Variants in HEATR5B observed in about 807,000 individuals in gnomAD.
HEATR5B encodes HEAT repeat-containing protein 5B.
In HEATR5B, 156 loss-of-function variants were observed where a neutral mutation model predicts 224.1. The observed-to-expected ratio is 0.70, with a 90% CI of 0.61 to 0.80. The LOEUF is 0.80. Ranked by LOEUF, HEATR5B falls within the 30% of genes least tolerant of loss-of-function variation. HEATR5B has a pLI of 0.00. For missense variants in HEATR5B, 2,323 were observed against 2,535.5 expected, an observed-to-expected ratio of 0.92 and a Z score of 1.80; for synonymous variants, 1,027 against 893.0, an observed-to-expected ratio of 1.15 and a Z score of -2.68.
chr2:37,007,934 T>C lies in HEATR5B; in HGVS notation c.4523-630A>G, dbSNP rs148971769. Among the ~76,000 whole-genome samples, 186 of 152,352 alleles carry C rather than the reference T, an allele frequency of 1.2e-3. 1 individual carries two copies. Among genetic ancestry groups the C allele is most frequent in the African/African-American group, 4.1e-3 (171 of 41,590 alleles). ...CTAAAACCCTATCATCTTCTCTTTC[T>C]ATCACAACCAGGGAACTCTGTTTCT... On this transcript the variant is annotated intron_variant, in intron 28 of 35. Coordinates refer to ENST00000233099, the MANE Select transcript of HEATR5B (RefSeq NM_019024.3).
At chr2:37,069,511 T>C (rs1169487712) in intron 7 of HEATR5B, among the ~76,000 whole-genome samples, 1 of 152,210 alleles carries the variant, frequency 6.6e-6, no homozygotes, top group Non-Finnish European at 1.5e-5. Context: ...ATTACACTGG[T>C]GATTAAACAC....
chr2:37,008,371 T>C (rs1213449871), intron 28 of HEATR5B: 5 of 553,042 alleles, frequency 9.0e-6, no homozygotes, highest in East Asian at 6.3e-5. Context: ...CCCTAGCTCA[T>C]ACAGCTATTA....
intron 15 of HEATR5B, among the ~76,000 whole-genome samples, 162 bp from the exon 16 acceptor site, chr2:37,056,777 A>G (rs2045150378): frequency 6.6e-6 from 1 of 152,252 alleles, no homozygotes; most frequent in Admixed American, 6.5e-5. Context: ...TAATTTGGTC[A>G]TTAAAAAATC....
intron 16 of HEATR5B, 54 bp downstream of exon 16, chr2:37,056,386 T>G (rs1010435910): frequency 3.9e-6 from 5 of 1,268,792 alleles, no homozygotes; most frequent in Non-Finnish European, 5.4e-6. Context: ...AATCTACTTT[T>G]CGTTTAACAT....
chr2:37,069,872 G>C (rs924450245), intron 7 of HEATR5B, among the ~76,000 whole-genome samples: 2 of 150,214 alleles, frequency 1.3e-5, no homozygotes, highest in African/African-American at 2.4e-5. Context: ...AGTTTTCCAC[G>C]AAGTTTCACA....
rs1360675902 is a variant in HEATR5B, at chr2:37,022,836, CA to C, written c.3854-2001del. Among the ~76,000 whole-genome samples, 167 of 152,186 alleles carry C rather than the reference CA, an allele frequency of 1.1e-3. 2 individuals carry two copies. The highest frequency in any genetic ancestry group is 3.7e-3 in the African/African-American group (152 of 41,516). On this transcript the variant is annotated intron_variant, in intron 24 of 35. Transcript: ENST00000233099. ...CAAGTAATTTAACTACATCCCAGAA[CA>C]AAGTCCAAAATTATTTTGGAATACA...
chr2:37,034,440 C>T (rs1000791974), intron 21 of HEATR5B, among the ~76,000 whole-genome samples: 2 of 142,928 alleles, frequency 1.4e-5, no homozygotes, highest in African/African-American at 2.5e-5. Flanking sequence ...GGTGAAACCC[C>T]GTCTCTACTA....
chr2:36,990,473 C>T (rs958258893), intron 34 of HEATR5B, among the ~76,000 whole-genome samples, 175 bp downstream of exon 34: 3 of 152,184 alleles, frequency 2.0e-5, no homozygotes, highest in Admixed American at 6.5e-5. Flanking sequence ...TGTGAATAAA[C>T]ATACACATGT....
At chr2:37,032,370 ATCC>A (rs1441142037) in intron 22 of HEATR5B, among the ~76,000 whole-genome samples, 1 of 152,132 alleles carries the variant, frequency 6.6e-6, no homozygotes, top group African/African-American at 2.4e-5. Context: ...GGCTCAAGTG[ATCC>A]TCCCACCTCA....
At chr2:36,982,334 C>A (rs1665638401) in intron 35 of HEATR5B, among the ~76,000 whole-genome samples, 1 of 143,474 alleles carries the variant, frequency 7.0e-6, no homozygotes, top group South Asian at 2.5e-4. Context: ...AAAACAAGAA[C>A]CTATGTCCGA....
At chr2:37,012,112 C>T (rs140551957) in intron 27 of HEATR5B, among the ~76,000 whole-genome samples, 26 of 152,138 alleles carry the variant, frequency 1.7e-4, no homozygotes, top group African/African-American at 5.8e-4. Context: ...AAAATTAAAA[C>T]TACACATAAT....
intron 18 of HEATR5B, among the ~76,000 whole-genome samples, chr2:37,044,485 T>A (rs1170292097): frequency 6.6e-6 from 1 of 152,248 alleles, no homozygotes; most frequent in African/African-American, 2.4e-5. Context: ...CATTTATGAA[T>A]ACATCACTAT....
At chr2:37,029,406 G>A (rs1280477905) in intron 22 of HEATR5B, among the ~76,000 whole-genome samples, 3 of 152,242 alleles carry the variant, frequency 2.0e-5, no homozygotes, top group Non-Finnish European at 2.9e-5. Context: ...GCTCACGCCT[G>A]TAATCCCAGC....
chr2:36,996,607 T>G (rs1666731702), intron 33 of HEATR5B, among the ~76,000 whole-genome samples: 1 of 151,860 alleles, frequency 6.6e-6, no homozygotes, highest in African/African-American at 2.4e-5. Context: ...ATATATTTTT[T>G]TGAGACAGAG....
Position 36,981,247 on chromosome 2 carries a change from ATAAGT to A in HEATR5B, c.*238_*242del. ...CTATGGCTCAGTGTTTGAAAAATAAATAAGTTAACAAAAGAGAAACATTATTAGGA... is the reference window on the plus strand; with the variant it reads ...CTATGGCTCAGTGTTTGAAAAATAAATAACAAAAGAGAAACATTATTAGGA... On this transcript the variant is annotated 3_prime_UTR_variant, in exon 36 of 36. Coordinates refer to ENST00000233099, the MANE Select transcript of HEATR5B (RefSeq NM_019024.3). 1 of 376,350 alleles carries A rather than the reference ATAAGT, an allele frequency of 2.7e-6. No individual in the cohort carries two copies. Among genetic ancestry groups the A allele is most frequent in the South Asian group, 7.1e-5 (1 of 14,144 alleles). The allele number at this position is 376,350 out of a possible 1,614,324, so 23.3% of individuals were successfully genotyped here. A position where few individuals can be genotyped will look rare whatever the true frequency, so the allele number is the denominator to read the frequency against.
At chr2:37,018,195 TA>T (rs34971106) in intron 26 of HEATR5B, among the ~76,000 whole-genome samples, 15,685 of 150,770 alleles carry the variant, frequency 0.1, 1,219 homozygotes, top group African/African-American at 0.21. Context: ...AAACTTCTTA[TA>T]AAAAAAAATG....
chr2:37,038,041 G>GA lies in HEATR5B; in HGVS notation c.3047-18dup. On this transcript the variant is annotated splice_polypyrimidine_tract_variant and intron_variant, in intron 20 of 35. Transcript: ENST00000233099. ...CTCCATTCCCTGGTGCAAAATGAAA[G>GA]AAAATATAAAATATAATTATTTTAT... The GA allele has an allele frequency of 6.9e-7, 1 of 1,443,788 alleles. No homozygotes were observed. The highest frequency in any genetic ancestry group is 9.2e-7 in the Non-Finnish European group (1 of 1,084,828). 89.4% of individuals were successfully genotyped at this position (1,443,788 alleles called of 1,614,324 possible).
At chr2:37,081,071 A>G (rs1173349398) in intron 2 of HEATR5B, among the ~76,000 whole-genome samples, 2 of 152,246 alleles carry the variant, frequency 1.3e-5, no homozygotes, top group African/African-American at 4.8e-5. Flanking sequence ...GATGGATCAA[A>G]TAAGACAGAA....
intron 23 of HEATR5B, 34 bp from the exon 24 acceptor site, chr2:37,028,208 C>T (rs752680776): frequency 2.1e-6 from 3 of 1,408,856 alleles, no homozygotes; most frequent in Non-Finnish European, 2.9e-6. Context: ...GTAACAATCT[C>T]ACATAAGCAA....
Sources: allele counts gnomAD v4.1 joint callset (sites outside exome capture counted in the v4.1 genomes callset), GRCh38; gene constraint gnomAD v4.1.1; transcripts MANE v1.5; gene names NCBI Gene and HGNC (gene_info 2026-07-23, HGNC 2026-07-21).